The following SPINK5 variants were observed in gnomAD, a reference collection of about 807,000 sequenced individuals.
The protein encoded by SPINK5 is serine peptidase inhibitor Kazal type 5.
A neutral mutation model predicts 151.8 loss-of-function variants in SPINK5; 125 were observed. The observed-to-expected ratio is 0.82, with a 90% confidence interval of 0.71 to 0.96. The LOEUF is 0.96. Among genes scored for constraint, SPINK5 ranks in the 40% least tolerant of loss-of-function variants. The probability of loss-of-function intolerance (pLI) is 0.00; values close to 1 mark genes in which losing one functional copy is unlikely to be tolerated. For synonymous variants in SPINK5, 374 were observed against 395.3 expected (o/e 0.95, Z 0.64); for missense variants, 1,194 against 1,291.9 (o/e 0.92, Z 1.16).
chr5:148,135,674 T>A (rs2113246506), intron 32 of SPINK5, among the ~76,000 whole-genome samples: 1 of 151,122 alleles, frequency 6.6e-6, no homozygotes, highest in Admixed American at 6.6e-5. Context: ...TGGTACAGAC[T>A]GGTCATGGCC....
rs1468330376 is a variant in SPINK5, at chr5:148,120,384, A to G, written c.2531A>G (p.Asp844Gly). The change falls in exon 26 of 33, where the codon GAC becomes GGC. Residue 844 changes from aspartate to glycine, a missense_variant. Transcript: ENST00000256084. ...AGCAATACAGGAGAAAGGAGCAATG[A>G]CAAAGAGGTAATAGATGTTAGACAC... ...ERSNTGERSN[D>G]KEDLCREFRS... The G allele has an allele frequency of 6.3e-7, 1 of 1,597,960 alleles. No homozygotes were observed. Among genetic ancestry groups the G allele is most frequent in the African/African-American group, 1.3e-5 (1 of 74,546 alleles).
intron 18 of SPINK5, among the ~76,000 whole-genome samples, chr5:148,111,522 T>C (rs1210910880): frequency 6.6e-6 from 1 of 152,218 alleles, no homozygotes; most frequent in East Asian, 1.9e-4. Flanking sequence ...TTCTTCTCTG[T>C]ATCTTTCACA....
In SPINK5 at chr5:148,137,293, T is replaced by C. The variant is rs1754720159; in HGVS notation, c.*302T>C. The C allele has an allele frequency of 2.1e-6, 1 of 474,246 alleles. No homozygotes were observed. The highest frequency in any genetic ancestry group is 1.9e-5 in the African/African-American group (1 of 51,836). 29.4% of individuals were successfully genotyped at this position (474,246 alleles called of 1,614,324 possible). A position where few individuals can be genotyped will look rare whatever the true frequency, so the allele number is the denominator to read the frequency against. On this transcript the variant is annotated 3_prime_UTR_variant, in exon 33 of 33. Transcript: ENST00000256084. ...AGTAAACTCAGCAGAACACCCTTTCTGGGATTTCTTTGTCACTATCTGGAT... is the reference window on the plus strand; with the variant it reads ...AGTAAACTCAGCAGAACACCCTTTCCGGGATTTCTTTGTCACTATCTGGAT...
At chr5:148,123,521 G>GTGTGTGTATATATATATATATATATA (rs1328976077) in intron 26 of SPINK5, among the ~76,000 whole-genome samples, 19 of 25,008 alleles carry the variant, frequency 7.6e-4, no homozygotes, top group African/African-American at 1.5e-3. Flanking sequence ...CAATATATGT[G>GTGTGTGTATATATATATATATATATA]TATATATATA....
At chr5:148,093,151 G>A (rs1248340868) in intron 8 of SPINK5, among the ~76,000 whole-genome samples, 1 of 151,830 alleles carries the variant, frequency 6.6e-6, no homozygotes, top group Non-Finnish European at 1.5e-5. Context: ...TTTTTTGTAG[G>A]TCATATTATA....
intron 18 of SPINK5, 124 bp from the exon 19 acceptor site, chr5:148,111,644 C>A: frequency 6.9e-7 from 1 of 1,440,982 alleles, no homozygotes; most frequent in African/African-American, 1.4e-5. Context: ...TGGTTACTAT[C>A]AACCTTCAGC....
chr5:148,125,301 G>T lies in SPINK5; in HGVS notation c.2740-422G>T, dbSNP rs144932979. On this transcript the variant is annotated intron_variant, in intron 28 of 32. Transcript: ENST00000256084. ...ATTAAAGAATCAGCAGTGTGCATGC[G>T]TGATGCTTTCTTTTCTATTTATTTT... 1.2e-4 allele frequency among the ~76,000 whole-genome samples: 19 copies of T among 152,268 alleles called. No individual in the cohort carries two copies. The East Asian group carries it at 3.3e-3, about 26-fold the overall frequency.
Position 148,097,949 on chromosome 5 carries a change from A to T in SPINK5, c.965A>T (p.Asp322Val), listed in dbSNP as rs781530272. 1.2e-6 allele frequency: 2 copies of T among 1,612,310 alleles called. No individual in the cohort carries two copies. The highest frequency in any genetic ancestry group is 3.3e-5 in the Admixed American group (2 of 59,856). Reference sequence around the variant, plus strand: ...GAAAATGACCCTATTCGTGGTCCAGATGGGAAAATGCATGGCAACTTGTGT... The same window carrying T: ...GAAAATGACCCTATTCGTGGTCCAGTTGGGAAAATGCATGGCAACTTGTGT... ...TRENDPIRGP[D>V]GKMHGNLCSM... Residue 322 changes from aspartate (D) to valine (V), a missense_variant, in exon 11 of 33, where the codon GAT becomes GTT. Physicochemically the swap from Asp to Val is radical, Grantham distance 152 (BLOSUM62 -3). Transcript: ENST00000256084.
chr5:148,131,467 G>A (rs771841402), intron 31 of SPINK5, 78 bp downstream of exon 31: 21 of 1,589,950 alleles, frequency 1.3e-5, no homozygotes, highest in Non-Finnish European at 1.2e-5. Flanking sequence ...GTAATGCACT[G>A]ATATAAATTC....
At chr5:148,121,329 A>G (rs1480927476) in intron 26 of SPINK5, among the ~76,000 whole-genome samples, 5 of 151,318 alleles carry the variant, frequency 3.3e-5, no homozygotes, top group Non-Finnish European at 5.9e-5. Context: ...GCACCGACGG[A>G]CTCCAATTAG....
chr5:148,089,322 A>G (rs1442398993), intron 6 of SPINK5, 172 bp from the exon 7 acceptor site: 2 of 838,422 alleles, frequency 2.4e-6, no homozygotes, highest in Non-Finnish European at 3.9e-6. Context: ...AAAAAGTTTT[A>G]TATTTAACCA....
At chr5:148,108,021 G>T (rs901377158) in intron 17 of SPINK5, among the ~76,000 whole-genome samples, 1 of 152,184 alleles carries the variant, frequency 6.6e-6, no homozygotes, top group Admixed American at 6.6e-5. Context: ...AAAAGGAGAG[G>T]TTGACAGAGT....
At chr5:148,105,816 G>A (rs1293683544) in intron 16 of SPINK5, among the ~76,000 whole-genome samples, 1 of 146,684 alleles carries the variant, frequency 6.8e-6, no homozygotes, top group Non-Finnish European at 1.5e-5. Flanking sequence ...TAGAAATGGG[G>A]TTTCACCATG....
At chr5:148,117,547 G>C (rs1242199005) in intron 22 of SPINK5, among the ~76,000 whole-genome samples, 72 of 152,298 alleles carry the variant, frequency 4.7e-4, no homozygotes, top group African/African-American at 1.5e-3. Context: ...GAATAAATGA[G>C]TGAGGATGTG....
In SPINK5 at chr5:148,097,903, G is replaced by A. The variant is rs2113105385; in HGVS notation, c.919G>A (p.Gly307Arg). The A allele has an allele frequency of 6.2e-7, 1 of 1,611,784 alleles. No individual in the cohort carries two copies. Among genetic ancestry groups the A allele is most frequent in the South Asian group, 1.1e-5 (1 of 91,032 alleles). ...CSQYQNQAKNGILFCTRENDP... is the reference protein window; with the variant it reads ...CSQYQNQAKNRILFCTRENDP... ...TCAATATCAAAATCAGGCAAAGAAT[G>A]GAATACTTTTCTGTACCAGAGAAAA... The change falls in exon 11 of 33, where the codon GGA (glycine) becomes AGA (arginine). Residue 307 changes from glycine (G) to arginine (R), a missense_variant. Physicochemically the swap from Gly to Arg is moderately radical, Grantham distance 125 (BLOSUM62 -2). Transcript: ENST00000256084.
At chr5:148,127,554 G>A (rs950031359) in intron 30 of SPINK5, among the ~76,000 whole-genome samples, 1 of 152,098 alleles carries the variant, frequency 6.6e-6, no homozygotes, top group Non-Finnish European at 1.5e-5. Flanking sequence ...AAAGCTTCTT[G>A]TTTAAAATAT....
chr5:148,107,120 T>A lies in SPINK5; in HGVS notation c.1563T>A (p.Asp521Glu), dbSNP rs767576981. 6.2e-7 allele frequency: 1 copy of A among 1,613,200 alleles called. No individual in the cohort carries two copies. The highest frequency in any genetic ancestry group is 1.7e-5 in the Admixed American group (1 of 59,990). The part of the protein sequence containing the change: ...TREHNPVRGP[D>E]GKMHGNKCAM... ...AGCATAATCCTGTCCGTGGCCCAGATGGCAAAATGCATGGAAACAAGTGTG... is the reference window on the plus strand; with the variant it reads ...AGCATAATCCTGTCCGTGGCCCAGAAGGCAAAATGCATGGAAACAAGTGTG... Residue 521 changes from aspartate to glutamate, a missense_variant, in exon 17 of 33, where the codon GAT (aspartate) becomes GAA (glutamate). Transcript: ENST00000256084.
chr5:148,091,310 TA>T, intron 8 of SPINK5, 82 bp downstream of exon 8: 1 of 1,135,590 alleles, frequency 8.8e-7, no homozygotes. Flanking sequence ...AGTAATGAAA[TA>T]AAGTCATTGT....
At chr5:148,090,307 AACAAACGTC>A (rs1753275351) in intron 7 of SPINK5, among the ~76,000 whole-genome samples, 1 of 151,874 alleles carries the variant, frequency 6.6e-6, no homozygotes, top group Admixed American at 6.6e-5. Context: ...CTGATTAGCA[AACAAACGTC>A]ACACCTGCCT....
Sources: allele counts gnomAD v4.1 joint callset (sites outside exome capture counted in the v4.1 genomes callset), GRCh38; gene constraint gnomAD v4.1.1; transcripts MANE v1.5; gene names NCBI Gene and HGNC (gene_info 2026-07-23, HGNC 2026-07-21).